COA1: variants seen among roughly 807,000 people sequenced by gnomAD.
COA1 encodes cytochrome c oxidase assembly factor 1 homolog.
In COA1, 13 loss-of-function variants were observed where a neutral mutation model predicts 16.0. The observed-to-expected ratio is 0.81, with a 90% CI of 0.53 to 1.29. The LOEUF (loss-of-function observed/expected upper bound fraction) is 1.29, where lower values mean the gene tolerates loss of function less well. Among genes scored for constraint, COA1 ranks in the 50% most tolerant of loss-of-function variants. COA1 has a pLI of 0.00. For missense variants in COA1, 179 were observed against 177.0 expected (o/e 1.01, Z -0.06); for synonymous variants, 65 against 65.7 (o/e 0.99, Z 0.05).
intron 4 of COA1, among the ~76,000 whole-genome samples, chr7:43,644,710 T>TAGA (rs1554500950): frequency 7.0e-5 from 4 of 56,898 alleles, no homozygotes; most frequent in Non-Finnish European, 1.1e-4. Flanking sequence ...GATAGATAGA[T>TAGA]TAGATAGATA....
intron 6 of COA1, chr7:43,624,566 G>GTGCT (rs1563170550): frequency 6.2e-7 from 1 of 1,614,072 alleles, no homozygotes; most frequent in Admixed American, 1.7e-5. Flanking sequence ...GGTTGACACA[G>GTGCT]AGCAGTATTC....
chr7:43,712,274 A>G (rs1054384959), intron 1 of COA1, among the ~76,000 whole-genome samples: 2 of 151,916 alleles, frequency 1.3e-5, no homozygotes, highest in South Asian at 4.2e-4. Context: ...CACCATGCCC[A>G]GCTAATTTTT....
chr7:43,616,041 A>C (rs1000608997), intron 6 of COA1, among the ~76,000 whole-genome samples: 4 of 152,292 alleles, frequency 2.6e-5, no homozygotes, highest in South Asian at 2.1e-4. Flanking sequence ...GCAGGGCTCC[A>C]AAAGAGAGGA....
At chr7:43,635,302 A>C (rs988329874), downstream of COA1, among the ~76,000 whole-genome samples, 1 of 152,172 alleles carries the variant, frequency 6.6e-6, no homozygotes, top group Non-Finnish European at 1.5e-5. Context: ...CCACCTTTGC[A>C]TTCCTGGAAT....
chr7:43,685,636 G>A (rs1212419859), intron 1 of COA1, among the ~76,000 whole-genome samples: 1 of 152,196 alleles, frequency 6.6e-6, no homozygotes, highest in Non-Finnish European at 1.5e-5. Flanking sequence ...GTAGAATTGA[G>A]AGAGCTGGAG....
At chr7:43,678,983 A>G (rs369238614) in intron 1 of COA1, among the ~76,000 whole-genome samples, 9 of 152,208 alleles carry the variant, frequency 5.9e-5, no homozygotes, top group South Asian at 4.1e-4. Context: ...AGGAAAATTT[A>G]TAAGTATCTT....
At chr7:43,703,747 C>G (rs1034385178) in intron 1 of COA1, among the ~76,000 whole-genome samples, 7 of 152,142 alleles carry the variant, frequency 4.6e-5, no homozygotes, top group Admixed American at 2.0e-4. Flanking sequence ...TCACTGCATG[C>G]AAGATGAGTC....
chr7:43,718,992 G>C (rs1169383753), intron 1 of COA1, among the ~76,000 whole-genome samples: 1 of 141,924 alleles, frequency 7.0e-6, no homozygotes, highest in Non-Finnish European at 1.5e-5. Flanking sequence ...TTTTTTTTGA[G>C]ATGGAGTCTC....
At chr7:43,612,709 T>G (rs1048688257) in intron 6 of COA1, among the ~76,000 whole-genome samples, 2 of 152,122 alleles carry the variant, frequency 1.3e-5, no homozygotes, top group Non-Finnish European at 2.9e-5. Context: ...GGAAATACAC[T>G]GCTTAGCTTT....
At chr7:43,688,795 AGG>A (rs2094149204) in intron 1 of COA1, among the ~76,000 whole-genome samples, 1 of 152,256 alleles carries the variant, frequency 6.6e-6, no homozygotes, top group Non-Finnish European at 1.5e-5. Flanking sequence ...AATAGCCAGT[AGG>A]AAAGAGGTAA....
intron 1 of COA1, among the ~76,000 whole-genome samples, chr7:43,670,836 A>G (rs1346260583): frequency 1.3e-5 from 2 of 152,250 alleles, no homozygotes; most frequent in African/African-American, 4.8e-5. Flanking sequence ...GTTTACTGCC[A>G]TAACTCTGCA....
intron 4 of COA1, among the ~76,000 whole-genome samples, chr7:43,644,890 T>C (rs1390652363): frequency 6.6e-6 from 1 of 150,890 alleles, no homozygotes; most frequent in Admixed American, 6.6e-5. Flanking sequence ...CAAGCAATCC[T>C]CTTACCTCAG....
intron 1 of COA1, 58 bp from the exon 2 acceptor site, chr7:43,648,710 G>T: frequency 7.9e-7 from 1 of 1,262,806 alleles, no homozygotes. Flanking sequence ...GTTCTCTCTA[G>T]TCTCATACAG....
intron 1 of COA1, among the ~76,000 whole-genome samples, chr7:43,723,204 C>G (rs1467851153): frequency 6.6e-6 from 1 of 152,176 alleles, no homozygotes; most frequent in Non-Finnish European, 1.5e-5. Context: ...CAGCTACATG[C>G]AATCTTAGTT....
At chr7:43,636,105 G>A (rs570232234), downstream of COA1, among the ~76,000 whole-genome samples, 51 of 152,216 alleles carry the variant, frequency 3.4e-4, no homozygotes, top group South Asian at 9.8e-3. Context: ...ATTTCACTTC[G>A]GCACCCAACC....
At chr7:43,697,132 C>T (rs2094555235) in intron 1 of COA1, among the ~76,000 whole-genome samples, 1 of 150,150 alleles carries the variant, frequency 6.7e-6, no homozygotes, top group African/African-American at 2.5e-5. Flanking sequence ...AAACAAAAAA[C>T]AAAAAACAAA....
intron 1 of COA1, among the ~76,000 whole-genome samples, chr7:43,677,522 G>C (rs2093586269): frequency 6.6e-6 from 1 of 152,126 alleles, no homozygotes; most frequent in Non-Finnish European, 1.5e-5. Flanking sequence ...TCTGTAGCTG[G>C]GCTCAGTGGC....
rs1161370459 is a variant in COA1, at chr7:43,647,303, G to A, written c.115+232C>T. The A allele has an allele frequency of 1.1e-5, 6 of 553,940 alleles. No individual in the cohort carries two copies. In the Admixed American group the frequency reaches 1.3e-4, roughly 12 times the overall value. 34.3% of individuals were successfully genotyped at this position (553,940 alleles called of 1,614,324 possible). On this transcript the variant is annotated intron_variant, in intron 3 of 5. Coordinates refer to ENST00000223336, the MANE Select transcript of COA1 (RefSeq NM_018224.4). ...CTGAAAGCCCATCGTGCTTTGCTGGGCTTCTTATGCATATTAGTCCTGGTC... is the reference window on the plus strand; with the variant it reads ...CTGAAAGCCCATCGTGCTTTGCTGGACTTCTTATGCATATTAGTCCTGGTC...
At chr7:43,725,585 G>A (rs928542516) in intron 1 of COA1, among the ~76,000 whole-genome samples, 31 of 152,230 alleles carry the variant, frequency 2.0e-4, no homozygotes, top group Non-Finnish European at 3.1e-4. Context: ...CTGGCTGGGC[G>A]CAATGGCTCA....
Sources: allele counts gnomAD v4.1 joint callset (sites outside exome capture counted in the v4.1 genomes callset), GRCh38; gene constraint gnomAD v4.1.1; transcripts MANE v1.5; gene names NCBI Gene and HGNC (gene_info 2026-07-23, HGNC 2026-07-21).